SRPK1: variants seen among roughly 807,000 people sequenced by gnomAD.
SRPK1 encodes SRSF protein kinase 1.
In SRPK1, 52 loss-of-function variants were observed where a neutral mutation model predicts 89.5. That is an observed-to-expected ratio of 0.58 (90% CI 0.46 to 0.73). SRPK1 has a LOEUF of 0.73. Among genes scored for constraint, SRPK1 ranks in the 30% least tolerant of loss-of-function variants. SRPK1 has a pLI of 0.00. For synonymous variants in SRPK1, 255 were observed against 270.2 expected, an observed-to-expected ratio of 0.94 and a Z score of 0.55; for missense variants, 603 against 780.6, an observed-to-expected ratio of 0.77 and a Z score of 2.71.
At chr6:35,857,909 G>A (rs1356996741) in intron 12 of SRPK1, among the ~76,000 whole-genome samples, 1 of 152,068 alleles carries the variant, frequency 6.6e-6, no homozygotes, top group East Asian at 1.9e-4. Context: ...TGAAGCCCTG[G>A]TGTATACTAG....
chr6:35,895,116 C>G (rs1280177138), intron 2 of SRPK1, among the ~76,000 whole-genome samples: 2 of 151,972 alleles, frequency 1.3e-5, no homozygotes, highest in Admixed American at 1.3e-4. Flanking sequence ...AGAGGTAACA[C>G]AAGGGAGAAA....
At chr6:35,912,835 G>A (rs1011053067) in intron 2 of SRPK1, among the ~76,000 whole-genome samples, 2 of 152,244 alleles carry the variant, frequency 1.3e-5, no homozygotes, top group East Asian at 1.9e-4. Flanking sequence ...CTAGGCTGGA[G>A]TGCAGTGGCA....
chr6:35,895,002 G>C (rs1285317844), intron 2 of SRPK1, among the ~76,000 whole-genome samples: 2 of 152,082 alleles, frequency 1.3e-5, no homozygotes, highest in African/African-American at 4.8e-5. Flanking sequence ...ATCTGACCTA[G>C]AGCCAGAGAC....
chr6:35,846,099 G>T (rs1769420441), intron 13 of SRPK1, among the ~76,000 whole-genome samples: 2 of 151,964 alleles, frequency 1.3e-5, no homozygotes, highest in African/African-American at 2.4e-5. Context: ...TTTCTTCAAT[G>T]GTATATAGAG....
intron 13 of SRPK1, among the ~76,000 whole-genome samples, chr6:35,842,890 G>A (rs1410611684): frequency 6.6e-6 from 1 of 151,664 alleles, no homozygotes; most frequent in Admixed American, 6.6e-5. Flanking sequence ...CAGCCCTCCT[G>A]AGTTTCCCTT....
At chr6:35,891,645 T>C (rs1161948776) in intron 2 of SRPK1, among the ~76,000 whole-genome samples, 3 of 151,096 alleles carry the variant, frequency 2.0e-5, no homozygotes, top group Non-Finnish European at 4.4e-5. Context: ...GAGAATTGCT[T>C]GAACCCGGGA....
intron 2 of SRPK1, among the ~76,000 whole-genome samples, chr6:35,897,103 C>T (rs544935287): frequency 6.6e-6 from 1 of 152,060 alleles, no homozygotes; most frequent in Non-Finnish European, 1.5e-5. Context: ...AGTTTTCTTA[C>T]AGGAGGATAA....
At chr6:35,894,481 T>C (rs951909638) in intron 2 of SRPK1, among the ~76,000 whole-genome samples, 6 of 152,172 alleles carry the variant, frequency 3.9e-5, no homozygotes, top group Non-Finnish European at 5.9e-5. Flanking sequence ...CACATCTGAA[T>C]AATAGAGTTG....
At chr6:35,871,950 A>G (rs1342442569) in intron 8 of SRPK1, among the ~76,000 whole-genome samples, 2 of 152,094 alleles carry the variant, frequency 1.3e-5, no homozygotes, top group African/African-American at 2.4e-5. Context: ...TGTGTTGCCT[A>G]GGCTGGTCTC....
chr6:35,885,259 G>GAA (rs1770378020), intron 6 of SRPK1, among the ~76,000 whole-genome samples: 2 of 89,512 alleles, frequency 2.2e-5, no homozygotes, highest in Non-Finnish European at 4.4e-5. Flanking sequence ...TTAATTCTTT[G>GAA]AACACACACA....
rs559408264 is a variant in SRPK1, at chr6:35,848,698, C to G, written c.1621-6094G>C. Reference sequence around the variant, plus strand: ...CAATATAGAGAGCCCAGAAATGAACCCACGCATGTATGGTCAAGTGATCTT... The same window carrying G: ...CAATATAGAGAGCCCAGAAATGAACGCACGCATGTATGGTCAAGTGATCTT... On this transcript the variant is annotated intron_variant, in intron 13 of 15. Coordinates refer to ENST00000373825, the MANE Select transcript of SRPK1 (RefSeq NM_003137.5). Among the ~76,000 whole-genome samples the G allele has an allele frequency of 2.0e-5, 3 of 152,244 alleles. No homozygotes were observed. In the South Asian group the frequency reaches 6.2e-4, roughly 32 times the overall value.
chr6:35,851,917 T>TA (rs1769564500), intron 13 of SRPK1, among the ~76,000 whole-genome samples: 1 of 152,184 alleles, frequency 6.6e-6, no homozygotes, highest in African/African-American at 2.4e-5. Context: ...GCTATAGACT[T>TA]AAAGCTTTAG....
chr6:35,838,234 T>C, intron 15 of SRPK1, 103 bp downstream of exon 15: 1 of 811,992 alleles, frequency 1.2e-6, no homozygotes, highest in Non-Finnish European at 1.8e-6. Context: ...AGGTTAGCAT[T>C]CAAGGCAGGC....
chr6:35,894,259 A>G (rs141374024), intron 2 of SRPK1, among the ~76,000 whole-genome samples: 60 of 152,320 alleles, frequency 3.9e-4, no homozygotes, highest in African/African-American at 1.3e-3. Context: ...GAAATGTTAA[A>G]TGATGCCGAT....
At chr6:35,879,217 T>A (rs1284708976) in intron 6 of SRPK1, among the ~76,000 whole-genome samples, 1 of 151,970 alleles carries the variant, frequency 6.6e-6, no homozygotes, top group East Asian at 1.9e-4. Context: ...AGGCTGATCC[T>A]TGGAAGAGAA....
At chr6:35,906,502 G>C (rs187864398) in intron 2 of SRPK1, among the ~76,000 whole-genome samples, 44 of 152,348 alleles carry the variant, frequency 2.9e-4, no homozygotes, top group Non-Finnish European at 5.9e-4. Context: ...TGAGATTACA[G>C]ATGTGAGCCA....
chr6:35,875,331 C>A (rs553578952), intron 6 of SRPK1, among the ~76,000 whole-genome samples: 3 of 151,222 alleles, frequency 2.0e-5, no homozygotes, highest in African/African-American at 7.3e-5. Context: ...TCTCAGCTCA[C>A]TGCAACCTCT....
At chr6:35,870,635 T>G in intron 9 of SRPK1, 141 bp from the exon 10 acceptor site, 1 of 825,090 alleles carries the variant, frequency 1.2e-6, no homozygotes, top group Non-Finnish European at 1.9e-6. Context: ...TTTCATTAAA[T>G]TAAAAGATGC....
chr6:35,843,377 T>C (rs1407038282), intron 13 of SRPK1, among the ~76,000 whole-genome samples: 1 of 151,884 alleles, frequency 6.6e-6, no homozygotes, highest in Non-Finnish European at 1.5e-5. Context: ...GACTCTTTAG[T>C]GTTTGACAAG....
Sources: allele counts gnomAD v4.1 joint callset (sites outside exome capture counted in the v4.1 genomes callset), GRCh38; gene constraint gnomAD v4.1.1; transcripts MANE v1.5; gene names NCBI Gene and HGNC (gene_info 2026-07-23, HGNC 2026-07-21).